The following ZMYND8 variants were observed in gnomAD, a reference collection of about 807,000 sequenced individuals.
ZMYND8 encodes the protein MYND-type zinc finger-containing chromatin reader ZMYND8.
ZMYND8 carries 37 observed loss-of-function variants against 140.8 expected under a neutral mutation model. The ratio of observed to expected loss-of-function variants is 0.26; its 90% CI spans 0.20 to 0.35. The LOEUF (loss-of-function observed/expected upper bound fraction) is 0.35. Among genes scored for constraint, ZMYND8 ranks in the 10% least tolerant of loss-of-function variants. The probability of loss-of-function intolerance (pLI) is 1.00; values close to 1 mark genes in which losing one functional copy is unlikely to be tolerated. For synonymous variants in ZMYND8, 592 were observed against 597.1 expected (o/e 0.99, Z 0.12); for missense variants, 1,068 against 1,570.0 (o/e 0.68, Z 5.40).
At chr20:47,213,187 G>C (rs1428925357) in intron 21 of ZMYND8, among the ~76,000 whole-genome samples, 19 of 152,132 alleles carry the variant, frequency 1.2e-4, no homozygotes. Context: ...GAAGGCACAC[G>C]TGATGAGGAG....
Position 47,276,716 on chromosome 20 carries a change from T to A in ZMYND8, c.1078A>T (p.Asn360Tyr). The change falls in exon 11 of 23, where the codon AAC (asparagine) becomes TAC (tyrosine). Residue 360 changes from asparagine to tyrosine, a missense_variant. Asn to Tyr is a moderately radical substitution (Grantham distance 143). Transcript: ENST00000471951. Reference sequence around the variant, plus strand: ...ACCTCCATCTCTTGCATGGCACTGTTGAAGATGCTCTTAGTCTTTTTCACA... The same window carrying A: ...ACCTCCATCTCTTGCATGGCACTGTAGAAGATGCTCTTAGTCTTTTTCACA... The part of the protein sequence containing the change: ...FSVKKTKSIF[N>Y]SAMQEMEVYV... 6.2e-7 allele frequency: 1 copy of A among 1,614,058 alleles called. No individual in the cohort carries two copies. The highest frequency in any genetic ancestry group is 8.5e-7 in the Non-Finnish European group (1 of 1,180,016).
At chr20:47,231,555 A>T (rs1244171311) in intron 16 of ZMYND8, among the ~76,000 whole-genome samples, 1 of 152,234 alleles carries the variant, frequency 6.6e-6, no homozygotes, top group Non-Finnish European at 1.5e-5. Flanking sequence ...AAAGAAATTC[A>T]TGTAAGTATG....
chr20:47,316,765 A>G (rs1343009076), intron 2 of ZMYND8, among the ~76,000 whole-genome samples: 2 of 151,678 alleles, frequency 1.3e-5, no homozygotes, highest in Non-Finnish European at 2.9e-5. Context: ...ACTGCACTCC[A>G]GCCTGGGTGA....
chr20:47,224,497 C>T lies in ZMYND8; in HGVS notation c.3076G>A (p.Glu1026Lys). 1.9e-6 allele frequency: 3 copies of T among 1,614,218 alleles called. No individual in the cohort carries two copies. Among genetic ancestry groups the T allele is most frequent in the Non-Finnish European group, 2.5e-6 (3 of 1,180,050 alleles). Residue 1026 changes from glutamate (E) to lysine (K), a missense_variant, in exon 19 of 23, where the codon GAG (glutamate) becomes AAG (lysine). Transcript: ENST00000471951. ...TCCAACTCCAGCTGCTTCTTCACCT[C>T]GGCGATGAGCCGGTCCCGCTCCTGC... The part of the protein sequence containing the change: ...LEQERDRLIA[E>K]VKKQLELEKQ...
chr20:47,268,386 C>T (rs970354382), intron 11 of ZMYND8, among the ~76,000 whole-genome samples: 36 of 150,810 alleles, frequency 2.4e-4, no homozygotes, highest in African/African-American at 8.5e-4. Flanking sequence ...CTCCGCCTCC[C>T]GGGTTCACGC....
chr20:47,344,187 A>C (rs1376563156), intron 2 of ZMYND8, among the ~76,000 whole-genome samples: 1 of 152,020 alleles, frequency 6.6e-6, no homozygotes, highest in Non-Finnish European at 1.5e-5. Flanking sequence ...CATGTTGGCC[A>C]GGATGGTCTC....
chr20:47,223,853 T>C (rs2037339655), intron 19 of ZMYND8, among the ~76,000 whole-genome samples: 1 of 151,668 alleles, frequency 6.6e-6, no homozygotes, highest in South Asian at 2.1e-4. Context: ...GGATAAATTC[T>C]AACTAGATAG....
intron 13 of ZMYND8, 130 bp downstream of exon 13, chr20:47,249,157 C>CAAAT: frequency 9.0e-7 from 1 of 1,116,590 alleles, no homozygotes; most frequent in East Asian, 2.5e-5. Flanking sequence ...TTTAGCTGAG[C>CAAAT]AAATAGTTGA....
chr20:47,337,136 G>A (rs2148500791), intron 2 of ZMYND8, among the ~76,000 whole-genome samples: 1 of 152,184 alleles, frequency 6.6e-6, no homozygotes, highest in East Asian at 1.9e-4. Context: ...TGGATCACCT[G>A]AGGTCAGGAA....
chr20:47,237,070 A>G (rs2039330905), intron 15 of ZMYND8, among the ~76,000 whole-genome samples: 1 of 152,182 alleles, frequency 6.6e-6, no homozygotes, highest in African/African-American at 2.4e-5. Flanking sequence ...TTACCAATTT[A>G]AATTGGTCTT....
intron 2 of ZMYND8, among the ~76,000 whole-genome samples, chr20:47,316,087 C>G (rs2079370596): frequency 6.6e-6 from 1 of 152,154 alleles, no homozygotes. Context: ...AATCCCAGCA[C>G]TTTGGGAGGC....
At position 47,216,798 on chromosome 20, in the gene ZMYND8, ACT is replaced by A. The variant is rs1225986886; in HGVS notation, c.3484+3458_3484+3459del. Among the ~76,000 whole-genome samples the A allele has an allele frequency of 9.9e-5, 15 of 152,194 alleles. No individual in the cohort carries two copies. In the South Asian group the frequency reaches 2.1e-3, roughly 21 times the overall value. Reference sequence around the variant, plus strand: ...CTCCAGCCTGGGCGACAGAGCAAAGACTCTGTCTCAAAAAAGTAGAATAAAAA... The same window carrying A: ...CTCCAGCCTGGGCGACAGAGCAAAGACTGTCTCAAAAAAGTAGAATAAAAA... On this transcript the variant is annotated intron_variant, in intron 21 of 22. Coordinates refer to ENST00000471951, the MANE Select transcript of ZMYND8 (RefSeq NM_001281775.3).
rs139038064 is a variant in ZMYND8 at position 47,304,303 on chromosome 20, G to A, written c.235-5356C>T. 1.2e-3 allele frequency among the ~76,000 whole-genome samples: 186 copies of A among 152,302 alleles called. 1 individual carries two copies. The highest frequency in any genetic ancestry group is 4.1e-3 in the African/African-American group (169 of 41,582). On this transcript the variant is annotated intron_variant, in intron 3 of 22. Transcript: ENST00000471951. ...AATACCTTCAATGATACCAGGAACCGGCAAACTTTTCCTATAAAGGCTTCT... is the reference window on the plus strand; with the variant it reads ...AATACCTTCAATGATACCAGGAACCAGCAAACTTTTCCTATAAAGGCTTCT...
At chr20:47,292,142 G>A (rs900921761) in intron 5 of ZMYND8, among the ~76,000 whole-genome samples, 1 of 152,126 alleles carries the variant, frequency 6.6e-6, no homozygotes, top group African/African-American at 2.4e-5. Context: ...AACAGATCCT[G>A]TCCTCTTACA....
intron 16 of ZMYND8, among the ~76,000 whole-genome samples, chr20:47,231,566 C>G (rs539569297): frequency 6.6e-6 from 1 of 152,290 alleles, no homozygotes; most frequent in South Asian, 2.1e-4. Flanking sequence ...TGTAAGTATG[C>G]AATTGCGTAA....
intron 2 of ZMYND8, among the ~76,000 whole-genome samples, chr20:47,332,236 G>A (rs747315329): frequency 2.0e-4 from 30 of 152,034 alleles, no homozygotes; most frequent in African/African-American, 4.3e-4. Flanking sequence ...ATTTGAACCC[G>A]GGAGGCAGAG....
At chr20:47,289,080 C>T (rs979228425) in intron 7 of ZMYND8, among the ~76,000 whole-genome samples, 3 of 152,078 alleles carry the variant, frequency 2.0e-5, no homozygotes, top group South Asian at 4.1e-4. Context: ...CCAGCCTGTG[C>T]GATTCAGTGA....
At chr20:47,256,884 A>G (rs560602010) in intron 12 of ZMYND8, among the ~76,000 whole-genome samples, 58 of 152,312 alleles carry the variant, frequency 3.8e-4, no homozygotes, top group African/African-American at 1.4e-3. Flanking sequence ...TGCATTTTCA[A>G]CAGAGCATCA....
At chr20:47,273,921 T>C (rs1368479541) in intron 11 of ZMYND8, among the ~76,000 whole-genome samples, 2 of 152,204 alleles carry the variant, frequency 1.3e-5, no homozygotes, top group Non-Finnish European at 2.9e-5. Flanking sequence ...TATCACTCTC[T>C]CTTCCTACAC....
Sources: allele counts gnomAD v4.1 joint callset (sites outside exome capture counted in the v4.1 genomes callset), GRCh38; gene constraint gnomAD v4.1.1; transcripts MANE v1.5; gene names NCBI Gene and HGNC (gene_info 2026-07-23, HGNC 2026-07-21).